The following DEUP1 variants were observed in gnomAD, a reference collection of about 807,000 sequenced individuals.
DEUP1 encodes the protein coiled-coil domain containing 67.
A neutral mutation model predicts 87.4 loss-of-function variants in DEUP1; 82 were observed. The observed-to-expected ratio is 0.94, with a 90% CI of 0.78 to 1.13. DEUP1 has a LOEUF of 1.13. DEUP1 is among the 50% of genes most tolerant of loss of function. The probability of loss-of-function intolerance (pLI) is 0.00; values close to 1 mark genes in which losing one functional copy is unlikely to be tolerated. For missense variants in DEUP1, 663 were observed against 681.5 expected (o/e 0.97, Z 0.30); for synonymous variants, 214 against 222.7 (o/e 0.96, Z 0.35).
intron 7 of DEUP1, among the ~76,000 whole-genome samples, chr11:93,382,498 T>C (rs1336216641): frequency 6.6e-6 from 1 of 152,218 alleles, no homozygotes; most frequent in East Asian, 1.9e-4. Flanking sequence ...AATTTCACTC[T>C]TACAGATATT....
chr11:93,375,262 A>T, intron 7 of DEUP1, among the ~76,000 whole-genome samples: 1 of 151,912 alleles, frequency 6.6e-6, no homozygotes. Context: ...CTTCTTTTTT[A>T]CTGATTTGGA....
At chr11:93,387,413 C>A (rs1946612800) in intron 8 of DEUP1, among the ~76,000 whole-genome samples, 1 of 152,008 alleles carries the variant, frequency 6.6e-6, no homozygotes, top group Non-Finnish European at 1.5e-5. Context: ...CAGAAACTTT[C>A]TCAATAATGC....
At chr11:93,431,649 G>T (rs1360702639) in intron 13 of DEUP1, among the ~76,000 whole-genome samples, 1 of 152,104 alleles carries the variant, frequency 6.6e-6, no homozygotes, top group Non-Finnish European at 1.5e-5. Flanking sequence ...GAGGGGCAAG[G>T]GTAGAAGAGG....
At chr11:93,436,006 A>C (rs1157582968) in intron 13 of DEUP1, among the ~76,000 whole-genome samples, 2 of 152,024 alleles carry the variant, frequency 1.3e-5, no homozygotes, top group Non-Finnish European at 2.9e-5. Flanking sequence ...AAAAAAAAAA[A>C]AAAAAAATTT....
At chr11:93,384,209 T>C (rs1212574127) in intron 7 of DEUP1, among the ~76,000 whole-genome samples, 2 of 152,170 alleles carry the variant, frequency 1.3e-5, no homozygotes, top group East Asian at 3.9e-4. Flanking sequence ...TCATTGCCAT[T>C]GTAAGCCATT....
intron 2 of DEUP1, among the ~76,000 whole-genome samples, chr11:93,354,062 A>T (rs1187021775): frequency 6.6e-6 from 1 of 152,168 alleles, no homozygotes; most frequent in African/African-American, 2.4e-5. Flanking sequence ...CTGAACTTTT[A>T]TGCTCTGTTT....
chr11:93,384,440 C>T (rs1335201501), intron 7 of DEUP1, among the ~76,000 whole-genome samples: 2 of 152,172 alleles, frequency 1.3e-5, no homozygotes, highest in Admixed American at 6.5e-5. Flanking sequence ...GCAATTCTCC[C>T]AATGTGCTTT....
chr11:93,367,179 A>G (rs1160208794), intron 5 of DEUP1, among the ~76,000 whole-genome samples: 1 of 152,144 alleles, frequency 6.6e-6, no homozygotes, highest in Non-Finnish European at 1.5e-5. Context: ...ACCATCACTT[A>G]ATATCAGGTC....
chr11:93,390,365 A>G (rs1224731250), intron 9 of DEUP1, among the ~76,000 whole-genome samples: 1 of 152,222 alleles, frequency 6.6e-6, no homozygotes, highest in Non-Finnish European at 1.5e-5. Flanking sequence ...ACACAATAAT[A>G]TGAAAGACAG....
At position 93,339,510 on chromosome 11, in the gene DEUP1, G is replaced by A. The variant is rs75190224; in HGVS notation, c.29+7222G>A. Reference sequence around the variant, plus strand: ...AAAAAGATGAATCAACAAAAGAGCTGGCTTATAAAGGACAGCTAGTCAAAT... The same window carrying A: ...AAAAAGATGAATCAACAAAAGAGCTAGCTTATAAAGGACAGCTAGTCAAAT... On this transcript the variant is annotated intron_variant, in intron 2 of 13. Transcript: ENST00000298050. 6.3e-3 allele frequency among the ~76,000 whole-genome samples: 959 copies of A among 152,222 alleles called. 11 individuals carry two copies. The highest frequency in any genetic ancestry group is 0.022 in the African/African-American group (914 of 41,544).
At chr11:93,430,415 C>A (rs1322509850) in intron 13 of DEUP1, among the ~76,000 whole-genome samples, 2 of 151,844 alleles carry the variant, frequency 1.3e-5, no homozygotes, top group Admixed American at 1.3e-4. Context: ...AGCAGCTATG[C>A]CAAAAAAGGC....
At chr11:93,417,718 G>A (rs11820648) in intron 13 of DEUP1, among the ~76,000 whole-genome samples, 5,233 of 141,050 alleles carry the variant, frequency 0.037, 127 homozygotes, top group African/African-American at 0.14. Context: ...AGCCCTCATC[G>A]CCAAGTCAAT....
At chr11:93,364,070 T>G in intron 4 of DEUP1, 90 bp from the exon 5 acceptor site, 1 of 961,540 alleles carries the variant, frequency 1.0e-6, no homozygotes, top group Non-Finnish European at 1.5e-6. Flanking sequence ...TGACAAATTT[T>G]CAAAGAGGTA....
intron 12 of DEUP1, among the ~76,000 whole-genome samples, chr11:93,413,184 T>C (rs1263782498): frequency 6.6e-6 from 1 of 152,044 alleles, no homozygotes; most frequent in Non-Finnish European, 1.5e-5. Flanking sequence ...ATTTGAACCA[T>C]TAGTAAAAAT....
chr11:93,339,357 A>G (rs1470733289), intron 2 of DEUP1, among the ~76,000 whole-genome samples: 1 of 152,210 alleles, frequency 6.6e-6, no homozygotes, highest in Non-Finnish European at 1.5e-5. Context: ...TGCACTATAC[A>G]ATCCATGCAA....
intron 2 of DEUP1, among the ~76,000 whole-genome samples, chr11:93,334,646 G>A (rs930374534): frequency 6.6e-6 from 1 of 152,102 alleles, no homozygotes; most frequent in African/African-American, 2.4e-5. Flanking sequence ...GCCTATGGTG[G>A]GAGCTTTCCC....
At chr11:93,346,157 A>G (rs1457548342) in intron 2 of DEUP1, among the ~76,000 whole-genome samples, 2 of 152,172 alleles carry the variant, frequency 1.3e-5, no homozygotes, top group East Asian at 3.9e-4. Context: ...TGAAGATCAG[A>G]TGGTTGTAGA....
chr11:93,428,840 T>G (rs1216706910), intron 13 of DEUP1, among the ~76,000 whole-genome samples: 1 of 152,174 alleles, frequency 6.6e-6, no homozygotes, highest in Non-Finnish European at 1.5e-5. Context: ...AGTGAAATCA[T>G]AAATTAAAAA....
intron 7 of DEUP1, among the ~76,000 whole-genome samples, chr11:93,382,424 A>G: frequency 6.6e-6 from 1 of 152,310 alleles, no homozygotes; most frequent in East Asian, 1.9e-4. Flanking sequence ...GAATTTTAAC[A>G]TATATGCTTG....
Sources: allele counts gnomAD v4.1 joint callset (sites outside exome capture counted in the v4.1 genomes callset), GRCh38; gene constraint gnomAD v4.1.1; transcripts MANE v1.5; gene names NCBI Gene and HGNC (gene_info 2026-07-23, HGNC 2026-07-21).